CARMIL1: variants seen among roughly 807,000 people sequenced by gnomAD.
The protein encoded by CARMIL1 is F-actin-uncapping protein LRRC16A.
Under a neutral mutation model 177.1 loss-of-function variants are expected in CARMIL1, and 90 were observed. The observed-to-expected ratio is 0.51, with a 90% CI of 0.43 to 0.61. The LOEUF is 0.61. Among genes scored for constraint, CARMIL1 ranks in the 20% least tolerant of loss-of-function variants. CARMIL1 has a pLI of 0.00. For missense variants in CARMIL1, 1,380 were observed against 1,667.0 expected (o/e 0.83, Z 3.00); for synonymous variants, 577 against 606.2 (o/e 0.95, Z 0.71).
intron 8 of CARMIL1, among the ~76,000 whole-genome samples, chr6:25,458,284 C>T (rs1338158397): frequency 6.6e-6 from 1 of 151,962 alleles, no homozygotes; most frequent in East Asian, 1.9e-4. Flanking sequence ...AAAAAGAGGG[C>T]TGTACAATTG....
At position 25,279,700 on chromosome 6, in the gene CARMIL1, A is replaced by C. The variant is rs1387268707; in HGVS notation, c.-96A>C. The C allele has an allele frequency of 2.6e-6, 3 of 1,170,882 alleles. No homozygotes were observed. Among genetic ancestry groups the C allele is most frequent in the Non-Finnish European group, 3.9e-6 (3 of 776,578 alleles). The allele number at this position is 1,170,882 out of a possible 1,614,324, so 72.5% of individuals were successfully genotyped here. On this transcript the variant is annotated 5_prime_UTR_variant, in exon 1 of 37. Coordinates refer to ENST00000329474, the MANE Select transcript of CARMIL1 (RefSeq NM_017640.6). ...TTGCCCACTTCCATTTGCAAGCTGC[A>C]TCTGCCTCTCTAAAAAAATTGAGGA...
At chr6:25,538,084 C>G (rs578037709) in intron 25 of CARMIL1, 101 bp downstream of exon 25, 1 of 1,308,878 alleles carries the variant, frequency 7.6e-7, no homozygotes, top group East Asian at 2.5e-5. Flanking sequence ...CTACCCAATT[C>G]CAAGTTTACT....
At chr6:25,375,752 T>C (rs1388347941) in intron 2 of CARMIL1, among the ~76,000 whole-genome samples, 1 of 152,226 alleles carries the variant, frequency 6.6e-6, no homozygotes, top group Non-Finnish European at 1.5e-5. Context: ...AATTCTTTTT[T>C]CTACTTGTTC....
At chr6:25,344,052 C>T (rs745913074) in intron 2 of CARMIL1, among the ~76,000 whole-genome samples, 36 of 152,138 alleles carry the variant, frequency 2.4e-4, no homozygotes, top group Non-Finnish European at 3.7e-4. Context: ...TTCACTGTCC[C>T]TGTCTCCAAC....
rs184051117 is a variant in CARMIL1 at position 25,281,167 on chromosome 6, C to T, written c.40+1332C>T. On this transcript the variant is annotated intron_variant, in intron 1 of 36. Transcript: ENST00000329474. ...ACACACACACACACACACACACACA[C>T]ACGCACCTCTCATCATGATCCCAGC... Among the ~76,000 whole-genome samples the T allele has an allele frequency of 5.4e-3, 811 of 151,064 alleles. 6 individuals carry two copies. The highest frequency in any genetic ancestry group is 0.018 in the African/African-American group (761 of 41,156).
chr6:25,607,814 A>G (rs1308904320), intron 35 of CARMIL1, among the ~76,000 whole-genome samples: 1 of 152,064 alleles, frequency 6.6e-6, no homozygotes, highest in Non-Finnish European at 1.5e-5. Flanking sequence ...CCTTGAGAAA[A>G]CCAGTGAACT....
At chr6:25,451,886 A>G (rs1341661205) in intron 8 of CARMIL1, among the ~76,000 whole-genome samples, 1 of 151,664 alleles carries the variant, frequency 6.6e-6, no homozygotes, top group African/African-American at 2.4e-5. Flanking sequence ...GAATTGGGAG[A>G]GAAATCTGGG....
Position 25,579,068 on chromosome 6 carries a change from A to G in CARMIL1, c.2743-1856A>G, listed in dbSNP as rs1321372485. 3.3e-5 allele frequency among the ~76,000 whole-genome samples: 5 copies of G among 151,206 alleles called. No individual in the cohort carries two copies. In the East Asian group the frequency reaches 7.7e-4, roughly 23 times the overall value. On this transcript the variant is annotated intron_variant, in intron 29 of 36. Coordinates refer to ENST00000329474, the MANE Select transcript of CARMIL1 (RefSeq NM_017640.6). Reference sequence around the variant, plus strand: ...TTTGCAAATGTGATTCTTTCTGTACATATTATATATTGTCATTTATTTTAT... The same window carrying G: ...TTTGCAAATGTGATTCTTTCTGTACGTATTATATATTGTCATTTATTTTAT...
chr6:25,322,762 T>C (rs1581562179), intron 2 of CARMIL1, among the ~76,000 whole-genome samples: 1 of 152,330 alleles, frequency 6.6e-6, no homozygotes. Flanking sequence ...TAGCTTACTG[T>C]TACCCTGTAA....
intron 2 of CARMIL1, among the ~76,000 whole-genome samples, chr6:25,386,400 C>G (rs1255519048): frequency 6.6e-6 from 1 of 151,978 alleles, no homozygotes; most frequent in Non-Finnish European, 1.5e-5. Context: ...TTACAGGTGT[C>G]TGCCACCACA....
intron 2 of CARMIL1, among the ~76,000 whole-genome samples, chr6:25,370,642 T>C (rs1790310505): frequency 6.6e-6 from 1 of 152,216 alleles, no homozygotes. Flanking sequence ...GGGGTTTGTC[T>C]GCCTCGTAGC....
intron 31 of CARMIL1, among the ~76,000 whole-genome samples, chr6:25,593,076 C>T (rs1236852044): frequency 6.6e-6 from 1 of 152,122 alleles, no homozygotes; most frequent in Admixed American, 6.5e-5. Context: ...CCCACAATAC[C>T]TCAAACACTC....
At chr6:25,482,205 A>AT (rs1802180884) in intron 11 of CARMIL1, 52 bp from the exon 12 acceptor site, 1 of 869,738 alleles carries the variant, frequency 1.1e-6, no homozygotes, top group African/African-American at 1.7e-5. Flanking sequence ...CATTGTAAAA[A>AT]ATGCAATTCT....
chr6:25,466,238 T>C lies in CARMIL1; in HGVS notation c.690+290T>C, dbSNP rs960877601. Among the ~76,000 whole-genome samples the C allele has an allele frequency of 2.6e-5, 4 of 152,312 alleles. No individual in the cohort carries two copies. In the South Asian group the frequency reaches 8.3e-4, roughly 32 times the overall value. ...ATAAAGTCATTCAGTTGGCAAAAAC[T>C]GTTAAAGTTACATTTGCACAGCTGC... On this transcript the variant is annotated intron_variant, in intron 9 of 36. Transcript: ENST00000329474.
intron 21 of CARMIL1, 89 bp from the exon 22 acceptor site, chr6:25,517,258 C>A: frequency 2.2e-6 from 2 of 903,192 alleles, no homozygotes; most frequent in Non-Finnish European, 3.6e-6. Flanking sequence ...GAAATATCTA[C>A]ACACTGCTGT....
At chr6:25,564,024 C>A in intron 29 of CARMIL1, 1 of 256,090 alleles carries the variant, frequency 3.9e-6, no homozygotes, top group Non-Finnish European at 6.1e-6. Context: ...TCATAAGTAA[C>A]ATATTATACA....
intron 31 of CARMIL1, among the ~76,000 whole-genome samples, chr6:25,587,468 C>A (rs763195561): frequency 6.6e-6 from 1 of 152,064 alleles, no homozygotes; most frequent in Non-Finnish European, 1.5e-5. Context: ...GCATTGCCTA[C>A]GTCGTTGAGT....
At position 25,316,722 on chromosome 6, in the gene CARMIL1, A is replaced by T. The variant is rs529521669; in HGVS notation, c.138+31813A>T. On this transcript the variant is annotated intron_variant, in intron 2 of 36. Transcript: ENST00000329474. ...ACCACGCCGGGCCATTATTATTATA[A>T]TTTTTTTTAAAGACTAGTCTAGTGT... Among the ~76,000 whole-genome samples, 67 of 152,038 alleles carry T rather than the reference A, an allele frequency of 4.4e-4. No homozygotes were observed. The East Asian group carries it at 0.012, about 28-fold the overall frequency.
intron 16 of CARMIL1, among the ~76,000 whole-genome samples, chr6:25,497,916 TG>T (rs1803899662): frequency 6.6e-6 from 1 of 152,218 alleles, no homozygotes; most frequent in South Asian, 2.1e-4. Context: ...AGGCCTTTTT[TG>T]GTCCATGTTA....
Sources: allele counts gnomAD v4.1 joint callset (sites outside exome capture counted in the v4.1 genomes callset), GRCh38; gene constraint gnomAD v4.1.1; transcripts MANE v1.5; gene names NCBI Gene and HGNC (gene_info 2026-07-23, HGNC 2026-07-21).